Variants in SLC37A1 observed in about 807,000 individuals in gnomAD.
SLC37A1 encodes glucose-6-phosphate exchanger SLC37A1.
In SLC37A1, 49 loss-of-function variants were observed where a neutral mutation model predicts 75.3. The observed-to-expected ratio is 0.65, with a 90% CI of 0.52 to 0.83. The LOEUF is 0.83. Ranked by LOEUF, SLC37A1 falls within the 40% of genes least tolerant of loss-of-function variation. The pLI is 0.00. For synonymous variants in SLC37A1, 268 were observed against 292.1 expected (o/e 0.92, Z 0.84); for missense variants, 566 against 695.0 (o/e 0.81, Z 2.09).
At chr21:42,554,041 T>C (rs975219177) in intron 9 of SLC37A1, 21 bp from the exon 10 acceptor site, 26 of 1,598,778 alleles carry the variant, frequency 1.6e-5, no homozygotes, top group Non-Finnish European at 2.2e-5. Flanking sequence ...ATCGCTCTAA[T>C]GAAACTTTTT....
rs760947123 is a variant in SLC37A1, at chr21:42,573,310, C to T, written c.1424-1508C>T. On this transcript the variant is annotated intron_variant, in intron 17 of 19. Coordinates refer to ENST00000352133, the MANE Select transcript of SLC37A1 (RefSeq NM_001320537.2). ...CTTTTTTCTCTTGCTGACCCCCTTC[C>T]GTTCCCACTGCGTTCCTCCTTCCTT... 7.5e-5 allele frequency among the ~76,000 whole-genome samples: 11 copies of T among 147,462 alleles called. No homozygotes were observed. The East Asian group carries it at 1.7e-3, about 23-fold the overall frequency.
At chr21:42,535,356 C>T (rs777749141) in intron 4 of SLC37A1, 116 bp from the exon 5 acceptor site, 6 of 820,882 alleles carry the variant, frequency 7.3e-6, no homozygotes, top group East Asian at 2.5e-5. Context: ...GAAAACCACG[C>T]GTTTCACTAA....
rs200267146 is a variant in SLC37A1 at position 42,574,858 on chromosome 21, G to T, written c.1464G>T (p.Pro488=). 1 of 1,614,018 alleles carries T rather than the reference G, an allele frequency of 6.2e-7. No individual in the cohort carries two copies. The highest frequency in any genetic ancestry group is 8.5e-7 in the Non-Finnish European group (1 of 1,180,014). The change falls in exon 18 of 20, where the codon CCG becomes CCT. Residue 488 remains proline (P), a synonymous_variant. Transcript: ENST00000352133. Reference sequence around the variant, plus strand: ...CCCTGCTGGCTGGGCTCCTCTCCCCGTCCGGCTGGAGCAATGTGTTTTACA... The same window carrying T: ...CCCTGCTGGCTGGGCTCCTCTCCCCTTCCGGCTGGAGCAATGTGTTTTACA... ...LGPLLAGLLS[P]SGWSNVFYML...
At chr21:42,511,578 G>A (rs1441676467), upstream of SLC37A1, among the ~76,000 whole-genome samples, 1 of 152,166 alleles carries the variant, frequency 6.6e-6, no homozygotes, top group Non-Finnish European at 1.5e-5. Context: ...TTGAACCTGG[G>A]AGTTCAAGAC....
chr21:42,542,336 C>T (rs2055303715), intron 6 of SLC37A1, 68 bp from the exon 7 acceptor site: 3 of 1,421,354 alleles, frequency 2.1e-6, no homozygotes, highest in South Asian at 2.5e-5. Flanking sequence ...AAGCTCTGTG[C>T]ACCTCCCTGC....
At chr21:42,566,368 C>T (rs1340711943) in intron 15 of SLC37A1, among the ~76,000 whole-genome samples, 1 of 152,224 alleles carries the variant, frequency 6.6e-6, no homozygotes, top group East Asian at 1.9e-4. Flanking sequence ...CACCTCCTCC[C>T]AGCTTTGTCA....
intron 2 of SLC37A1, among the ~76,000 whole-genome samples, chr21:42,522,944 C>T (rs1336226708): frequency 1.3e-5 from 2 of 152,204 alleles, no homozygotes; most frequent in African/African-American, 4.8e-5. Context: ...AAGGCAGGAG[C>T]CCAGAACGCA....
intron 9 of SLC37A1, among the ~76,000 whole-genome samples, chr21:42,549,765 A>C (rs1162683138): frequency 1.3e-5 from 2 of 152,262 alleles, no homozygotes; most frequent in African/African-American, 4.8e-5. Context: ...ATGCATTTGT[A>C]AGAGATTTCA....
At chr21:42,579,156 G>A (rs987599184) in intron 18 of SLC37A1, among the ~76,000 whole-genome samples, 3 of 152,238 alleles carry the variant, frequency 2.0e-5, no homozygotes, top group Non-Finnish European at 2.9e-5. Context: ...TGGGTCCGGC[G>A]AGGAGCCAAG....
intron 11 of SLC37A1, among the ~76,000 whole-genome samples, 182 bp downstream of exon 11, chr21:42,559,271 T>G (rs1392351966): frequency 6.6e-6 from 1 of 152,242 alleles, no homozygotes; most frequent in Non-Finnish European, 1.5e-5. Context: ...GCTGCAGTGA[T>G]ATTTGTTCGC....
At chr21:42,503,247 CCTT>C (rs917406894) in intron 2 of SLC37A1, among the ~76,000 whole-genome samples, 14 of 117,184 alleles carry the variant, frequency 1.2e-4, no homozygotes, top group Admixed American at 6.2e-4. Flanking sequence ...AAATTATACT[CCTT>C]TTTTTTTTTT....
intron 11 of SLC37A1, chr21:42,561,739 A>G (rs2055835521): frequency 4.0e-6 from 1 of 247,178 alleles, no homozygotes; most frequent in African/African-American, 2.2e-5. Flanking sequence ...GTAGATAAAC[A>G]GGGCTTCCTG....
At chr21:42,533,364 G>A (rs534493639) in intron 3 of SLC37A1, among the ~76,000 whole-genome samples, 52 of 152,324 alleles carry the variant, frequency 3.4e-4, no homozygotes, top group African/African-American at 1.2e-3. Context: ...ATCTTGAATA[G>A]TGCAGAATGA....
Position 42,567,125 on chromosome 21 carries a change from G to A in SLC37A1, c.1344+67G>A, listed in dbSNP as rs2056000729. 1.8e-5 allele frequency: 28 copies of A among 1,549,478 alleles called. No individual in the cohort carries two copies. In the South Asian group the frequency reaches 3.2e-4, roughly 18 times the overall value. On this transcript the variant is annotated intron_variant, in intron 16 of 19. Transcript: ENST00000352133. The stretch of plus-strand genomic sequence containing the variant: ...GCCATGTGCCATTCATGACAAAAGT[G>A]GCCTCCATTACTGTTAGTAAAACTG...
intron 3 of SLC37A1, among the ~76,000 whole-genome samples, 189 bp from the exon 4 acceptor site, chr21:42,534,509 C>G (rs1028356021): frequency 1.3e-5 from 2 of 152,130 alleles, no homozygotes; most frequent in African/African-American, 4.8e-5. Flanking sequence ...GAAACGTCAC[C>G]AGCAGGCATT....
chr21:42,538,724 C>T (rs1195003741), intron 5 of SLC37A1, among the ~76,000 whole-genome samples: 1 of 152,178 alleles, frequency 6.6e-6, no homozygotes, highest in African/African-American at 2.4e-5. Context: ...GCTGTGATGG[C>T]GGCTAAAGAC....
intron 10 of SLC37A1, among the ~76,000 whole-genome samples, chr21:42,557,981 G>GCC (rs1302673556): frequency 1.6e-4 from 24 of 152,056 alleles, no homozygotes; most frequent in Admixed American, 1.4e-3. Flanking sequence ...ACAGGGTCTT[G>GCC]CCCGGGCTGA....
At chr21:42,534,860 C>T (rs767583307) in intron 4 of SLC37A1, 30 bp downstream of exon 4, 38 of 1,603,804 alleles carry the variant, frequency 2.4e-5, no homozygotes, top group South Asian at 3.3e-5. Flanking sequence ...GTCCAGGAGC[C>T]GAAGCGGCTG....
chr21:42,559,851 G>A (rs228091), intron 11 of SLC37A1, among the ~76,000 whole-genome samples: 64,538 of 148,924 alleles, frequency 0.43, 15,281 homozygotes, highest in Admixed American at 0.6. Context: ...ACTCCAGCCT[G>A]GGTGACAGAG....
Sources: gnomAD v4.1 joint callset for allele counts (sites outside exome capture counted in the v4.1 genomes callset) on GRCh38, gnomAD v4.1.1 for gene constraint, MANE v1.5 for transcripts, NCBI Gene and HGNC (gene_info 2026-07-23, HGNC 2026-07-21) for gene names.